Variants in IFFO2 observed in about 807,000 individuals in gnomAD.
The protein encoded by IFFO2 is intermediate filament family orphan 2.
IFFO2 carries 19 observed loss-of-function variants against 53.5 expected under a neutral mutation model. The ratio of observed to expected loss-of-function variants is 0.36; its 90% CI spans 0.25 to 0.52. The LOEUF (loss-of-function observed/expected upper bound fraction) is 0.52. Ranked by LOEUF, IFFO2 falls within the 20% of genes least tolerant of loss-of-function variation. The probability of loss-of-function intolerance (pLI) is 0.94; values close to 1 mark genes in which losing one functional copy is unlikely to be tolerated. For missense variants in IFFO2, 570 were observed against 727.4 expected (o/e 0.78, Z 2.49); for synonymous variants, 303 against 313.6 (o/e 0.97, Z 0.36).
chr1:18,918,534 G>A lies in IFFO2; in HGVS notation c.823-32C>T, dbSNP rs1189347147. On this transcript the variant is annotated intron_variant, in intron 3 of 8. Transcript: ENST00000455833. The surrounding 1 kb of genome is among the most constrained non-coding windows in gnomAD (Gnocchi z 5.2). ...GGAGGACAGCAGGGTTTACATGAGC[G>A]AGGGATGGAGCAAGCCTGGGGGGCT... 32 of 1,550,176 alleles carry A rather than the reference G, an allele frequency of 2.1e-5. No individual in the cohort carries two copies. The highest frequency in any genetic ancestry group is 1.7e-4 in the Middle Eastern group (1 of 6,012).
intron 7 of IFFO2, 24 bp from the exon 8 acceptor site, chr1:18,910,496 A>C: frequency 6.3e-7 from 1 of 1,598,780 alleles, no homozygotes; most frequent in South Asian, 1.1e-5. Context: ...ATGAGGAATA[A>C]GGGTGAGGGC....
chr1:18,936,005 C>A lies in IFFO2; in HGVS notation c.666-14884G>T, dbSNP rs1384908128. On this transcript the variant is annotated intron_variant, in intron 1 of 8. Coordinates refer to ENST00000455833, the MANE Select transcript of IFFO2 (RefSeq NM_001136265.2). The surrounding 1 kb of genome is among the most constrained non-coding windows in gnomAD (Gnocchi z 4.5). The stretch of plus-strand genomic sequence containing the variant: ...TACAGGTGTGAGCCACTGCGCCCGG[C>A]CCTCATCTCTTTCAAGATCAGGCCC... Among the ~76,000 whole-genome samples, 1 of 151,890 alleles carries A rather than the reference C, an allele frequency of 6.6e-6. No individual in the cohort carries two copies. Among genetic ancestry groups the A allele is most frequent in the Non-Finnish European group, 1.5e-5 (1 of 67,958 alleles).
rs980507548 is a variant in IFFO2, at chr1:18,906,979, AAG to A, written c.*1580_*1581del. On this transcript the variant is annotated 3_prime_UTR_variant, in exon 9 of 9. Transcript: ENST00000455833. ...TGTAACACAGGTGGGGGAAACAGAA[AAG>A]AGAGAAGAGCCTTAAAGGCCACGGA... 2.0e-5 allele frequency: 3 copies of A among 152,162 alleles called. No homozygotes were observed. The highest frequency in any genetic ancestry group is 7.2e-5 in the African/African-American group (3 of 41,428). The allele number at this position is 152,162 out of a possible 1,614,324, so 9.4% of individuals were successfully genotyped here.
intron 1 of IFFO2, among the ~76,000 whole-genome samples, chr1:18,939,696 A>G (rs996461649): frequency 1.3e-5 from 2 of 152,222 alleles, no homozygotes; most frequent in Non-Finnish European, 2.9e-5. Context: ...GAGGGTACGC[A>G]GCAAGGTAAT....
rs1444700874 is a variant in IFFO2, at chr1:18,916,546, G to A, written c.1103+357C>T. Among the ~76,000 whole-genome samples the A allele has an allele frequency of 6.6e-6, 1 of 152,102 alleles. No individual in the cohort carries two copies. The highest frequency in any genetic ancestry group is 1.5e-5 in the Non-Finnish European group (1 of 68,010). The stretch of plus-strand genomic sequence containing the variant: ...TTTGGGAGGCCAAGGCAGAAGCATC[G>A]CTTGAGCTCAGGAATTTGAGACCAG... On this transcript the variant is annotated intron_variant, in intron 5 of 8. Transcript: ENST00000455833. The surrounding 1 kb of genome is among the most constrained non-coding windows in gnomAD (Gnocchi z 4.3).
Position 18,947,404 on chromosome 1 carries a change from C to G in IFFO2, c.665+8264G>C, listed in dbSNP as rs1936604263. Among the ~76,000 whole-genome samples the G allele has an allele frequency of 6.6e-6, 1 of 152,180 alleles. No homozygotes were observed. The highest frequency in any genetic ancestry group is 1.5e-5 in the Non-Finnish European group (1 of 68,036). ...GAGAGCCTGAGATCCACAGCCTGCC[C>G]CAGCTTTGCTAGGCAACATTTCACA... On this transcript the variant is annotated intron_variant, in intron 1 of 8. Transcript: ENST00000455833. This position sits in a 1 kb window ranked among gnomAD's most constrained non-coding sequence, Gnocchi z 5.0.
chr1:18,955,617 C>A, intron 1 of IFFO2, 51 bp downstream of exon 1: 1 of 1,516,696 alleles, frequency 6.6e-7, no homozygotes, highest in Non-Finnish European at 8.8e-7. Flanking sequence ...CCGCGGCAGC[C>A]TGGACCTGGG....
rs1337985057 is a variant in IFFO2, at chr1:18,928,845, T to C, written c.666-7724A>G. 2.0e-5 allele frequency among the ~76,000 whole-genome samples: 3 copies of C among 152,156 alleles called. No homozygotes were observed. The highest frequency in any genetic ancestry group is 4.4e-5 in the Non-Finnish European group (3 of 68,012). ...CATTTGCAGTGTTATTTGCACGCCC[T>C]GGATAGGGCCCTTCCTTGGAGTCCA... On this transcript the variant is annotated intron_variant, in intron 1 of 8. Transcript: ENST00000455833. The surrounding 1 kb of genome is among the most constrained non-coding windows in gnomAD (Gnocchi z 4.9).
At chr1:18,912,935 A>T (rs1207999182) in intron 5 of IFFO2, among the ~76,000 whole-genome samples, 1 of 152,228 alleles carries the variant, frequency 6.6e-6, no homozygotes, top group African/African-American at 2.4e-5. Context: ...GGTTACCCCA[A>T]CTGGAGGAGA....
At chr1:18,954,319 G>A (rs942564294) in intron 1 of IFFO2, among the ~76,000 whole-genome samples, 3 of 152,204 alleles carry the variant, frequency 2.0e-5, no homozygotes, top group African/African-American at 7.2e-5. Context: ...GAGCAACTGT[G>A]GGCAGATTTT....
chr1:18,919,848 C>G lies in IFFO2; in HGVS notation c.727-75G>C. On this transcript the variant is annotated intron_variant, in intron 2 of 8. Transcript: ENST00000455833. The surrounding 1 kb of genome is among the most constrained non-coding windows in gnomAD (Gnocchi z 4.9). ...ATAGGAGGGTCTGGACACCTGAGTC[C>G]AGAGCCCTAGGCACCCGATGTCCAC... 1 of 1,076,500 alleles carries G rather than the reference C, an allele frequency of 9.3e-7. No homozygotes were observed. Among genetic ancestry groups the G allele is most frequent in the Non-Finnish European group, 1.4e-6 (1 of 725,646 alleles). The allele number at this position is 1,076,500 out of a possible 1,614,324, so 66.7% of individuals were successfully genotyped here.
Position 18,916,969 on chromosome 1 carries a change from C to T in IFFO2, c.1037G>A (p.Arg346Gln), listed in dbSNP as rs1453494330. 3.2e-6 allele frequency: 5 copies of T among 1,552,024 alleles called. No homozygotes were observed. Among genetic ancestry groups the T allele is most frequent in the African/African-American group, 1.4e-5 (1 of 73,050 alleles). Residue 346 changes from arginine to glutamine, a missense_variant, in exon 5 of 9, where the codon CGG becomes CAG. By Grantham distance (43) the Arg-to-Gln change is conservative. Coordinates refer to ENST00000455833, the MANE Select transcript of IFFO2 (RefSeq NM_001136265.2). The surrounding 1 kb of genome is among the most constrained non-coding windows in gnomAD (Gnocchi z 4.3). Reference protein sequence around the residue: ...DISEQDGEVNRFSDDEVGSMN... With the variant: ...DISEQDGEVNQFSDDEVGSMN... ...GGAGCCGACCTCATCGTCCGAGAAC[C>T]GGTTCACCTCCCCGTCCTGCTCAGA... is the stretch of plus-strand genomic sequence containing the variant.
At position 18,908,654 on chromosome 1, in the gene IFFO2, G is replaced by T; in HGVS notation, c.1461C>A (p.Ser487=). 2 of 1,551,350 alleles carry T rather than the reference G, an allele frequency of 1.3e-6. No individual in the cohort carries two copies. Among genetic ancestry groups the T allele is most frequent in the Non-Finnish European group, 1.7e-6 (2 of 1,146,704 alleles). ...IKGSADRNSP[S]PSSVASSDSG... ...AGTCGCTGCTGGCCACGGAGCTGGGGGACGGTGAATTCCTGAGAAGCACAA... is the reference window on the plus strand; with the variant it reads ...AGTCGCTGCTGGCCACGGAGCTGGGTGACGGTGAATTCCTGAGAAGCACAA... The change falls in exon 9 of 9, where the codon TCC becomes TCA. Residue 487 remains serine, a synonymous_variant. Transcript: ENST00000455833.
At chr1:18,929,703 T>A (rs1228364891) in intron 1 of IFFO2, among the ~76,000 whole-genome samples, 1 of 151,772 alleles carries the variant, frequency 6.6e-6, no homozygotes, top group East Asian at 1.9e-4. Flanking sequence ...AGCCCCTAAC[T>A]GGGCTCCGGC....
rs1190952744 is a variant in IFFO2 at position 18,905,259 on chromosome 1, C to A, written c.*3302G>T. ...AAGTGGGACCTACACTCTGCTGAAG[C>A]TGCTCATGGGTGTGGATGACCAAAA... On this transcript the variant is annotated 3_prime_UTR_variant, in exon 9 of 9. Coordinates refer to ENST00000455833, the MANE Select transcript of IFFO2 (RefSeq NM_001136265.2). The A allele has an allele frequency of 6.6e-6, 1 of 151,952 alleles. No individual in the cohort carries two copies. The highest frequency in any genetic ancestry group is 1.5e-5 in the Non-Finnish European group (1 of 68,056). 9.4% of individuals were successfully genotyped at this position (151,952 alleles called of 1,614,324 possible).
chr1:18,942,261 G>A (rs947356679), intron 1 of IFFO2, among the ~76,000 whole-genome samples: 3 of 152,326 alleles, frequency 2.0e-5, no homozygotes, highest in African/African-American at 2.4e-5. Flanking sequence ...TGTTGGAGTT[G>A]GGTGAACCAT....
intron 2 of IFFO2, among the ~76,000 whole-genome samples, chr1:18,920,472 C>A (rs1367654491): frequency 6.6e-6 from 1 of 152,232 alleles, no homozygotes; most frequent in Non-Finnish European, 1.5e-5. Context: ...GCTACTCTTG[C>A]TCCCACTTGT....
intron 1 of IFFO2, among the ~76,000 whole-genome samples, chr1:18,950,201 G>C (rs541630736): frequency 2.0e-5 from 3 of 152,222 alleles, no homozygotes; most frequent in Non-Finnish European, 4.4e-5. Flanking sequence ...GCCGGACAAA[G>C]AAGCAGCCGT....
Position 18,940,234 on chromosome 1 carries a change from A to G in IFFO2, c.665+15434T>C, listed in dbSNP as rs1481385117. 5.9e-5 allele frequency among the ~76,000 whole-genome samples: 9 copies of G among 152,174 alleles called. No individual in the cohort carries two copies. The East Asian group carries it at 1.7e-3, about 29-fold the overall frequency. ...CAGAGGAGGAAGAGCTAGGTAAGGG[A>G]GCTGCCGGCCAGGAGTGAGAGCTGT... On this transcript the variant is annotated intron_variant, in intron 1 of 8. Transcript: ENST00000455833.
Sources: allele counts gnomAD v4.1 joint callset (sites outside exome capture counted in the v4.1 genomes callset), GRCh38; gene constraint gnomAD v4.1.1; non-coding constraint Gnocchi (gnomAD v3.1); transcripts MANE v1.5; gene names NCBI Gene and HGNC (gene_info 2026-07-23, HGNC 2026-07-21).